Variants in ALCAM observed in about 807,000 individuals in gnomAD.
The protein encoded by ALCAM is CD166 antigen.
ALCAM carries 30 observed loss-of-function variants against 70.9 expected under a neutral mutation model. The ratio of observed to expected loss-of-function variants is 0.42; its 90% CI spans 0.32 to 0.57. The LOEUF (loss-of-function observed/expected upper bound fraction) is 0.57. ALCAM is among the 20% of genes least tolerant of loss of function. The probability of loss-of-function intolerance (pLI) is 0.11; values close to 1 mark genes in which losing one functional copy is unlikely to be tolerated. For missense variants in ALCAM, 591 were observed against 695.1 expected, an observed-to-expected ratio of 0.85 and a Z score of 1.68; for synonymous variants, 249 against 242.5, an observed-to-expected ratio of 1.03 and a Z score of -0.25.
intron 1 of ALCAM, among the ~76,000 whole-genome samples, chr3:105,417,805 T>G (rs953448462): frequency 6.6e-6 from 1 of 151,932 alleles, no homozygotes; most frequent in Non-Finnish European, 1.5e-5. Flanking sequence ...TCATGCCATT[T>G]TATTGTATCT....
Position 105,539,919 on chromosome 3 carries a change from A to G in ALCAM, c.731-56A>G. 1.9e-6 allele frequency: 3 copies of G among 1,588,992 alleles called. No individual in the cohort carries two copies. In the African/African-American group the frequency reaches 4.0e-5, roughly 21 times the overall value. On this transcript the variant is annotated intron_variant, in intron 6 of 15. Transcript: ENST00000306107. ...TAATTTAGTCATTTACATTGTATGC[A>G]CAGAGTAATTCGGTACTTGACAAAA...
chr3:105,474,393 A>T (rs1042774019), intron 1 of ALCAM, among the ~76,000 whole-genome samples: 2 of 151,752 alleles, frequency 1.3e-5, no homozygotes, highest in African/African-American at 2.4e-5. Context: ...TTGAGGTTTT[A>T]TATGAAAAAT....
intron 1 of ALCAM, among the ~76,000 whole-genome samples, chr3:105,497,082 TA>T (rs1938766273): frequency 6.6e-6 from 1 of 152,098 alleles, no homozygotes; most frequent in African/African-American, 2.4e-5. Flanking sequence ...ATGGTACCCT[TA>T]AGGAAAAGAA....
intron 2 of ALCAM, among the ~76,000 whole-genome samples, chr3:105,522,427 CA>C (rs1939567841): frequency 6.6e-6 from 1 of 152,160 alleles, no homozygotes; most frequent in East Asian, 1.9e-4. Context: ...AGAGCATTTG[CA>C]ATGCTCTAAT....
chr3:105,419,407 A>G (rs1188277763), intron 1 of ALCAM, among the ~76,000 whole-genome samples: 5 of 151,842 alleles, frequency 3.3e-5, no homozygotes, highest in Admixed American at 2.0e-4. Context: ...AAAACAAAGA[A>G]CAAAAGTCAG....
chr3:105,554,620 T>C (rs963476873), intron 14 of ALCAM, among the ~76,000 whole-genome samples: 1 of 151,962 alleles, frequency 6.6e-6, no homozygotes, highest in African/African-American at 2.4e-5. Flanking sequence ...TCAATGAACA[T>C]TTTACCTATA....
At chr3:105,533,335 T>C (rs73854323) in intron 4 of ALCAM, among the ~76,000 whole-genome samples, 13,230 of 152,176 alleles carry the variant, frequency 0.087, 826 homozygotes, top group African/African-American at 0.18. Context: ...TGGCAATGCT[T>C]TCAAATGAAT....
intron 1 of ALCAM, among the ~76,000 whole-genome samples, chr3:105,453,318 A>G (rs1937480495): frequency 1.3e-5 from 2 of 152,180 alleles, no homozygotes; most frequent in Admixed American, 6.5e-5. Context: ...AGCACCGTTT[A>G]TCCAATAGGA....
chr3:105,486,224 T>C (rs960949224), intron 1 of ALCAM, among the ~76,000 whole-genome samples: 1 of 152,066 alleles, frequency 6.6e-6, no homozygotes, highest in Non-Finnish European at 1.5e-5. Flanking sequence ...GAGACACCCG[T>C]CCAAATTATT....
chr3:105,377,738 A>T (rs1157917307), intron 1 of ALCAM, among the ~76,000 whole-genome samples: 1 of 152,048 alleles, frequency 6.6e-6, no homozygotes, highest in Non-Finnish European at 1.5e-5. Flanking sequence ...TTAGAACATA[A>T]ACTGTATAAT....
At chr3:105,377,050 G>A (rs1391032751) in intron 1 of ALCAM, among the ~76,000 whole-genome samples, 1 of 152,046 alleles carries the variant, frequency 6.6e-6, no homozygotes, top group African/African-American at 2.4e-5. Context: ...ATATTTGTAT[G>A]TATACCTCCC....
intron 1 of ALCAM, among the ~76,000 whole-genome samples, chr3:105,474,271 G>C (rs1030031773): frequency 1.3e-4 from 19 of 151,724 alleles, no homozygotes; most frequent in African/African-American, 4.3e-4. Flanking sequence ...GCACTGAATA[G>C]AACTGTTGAT....
chr3:105,381,791 G>T (rs1240032788), intron 1 of ALCAM, among the ~76,000 whole-genome samples: 2 of 151,578 alleles, frequency 1.3e-5, no homozygotes, highest in African/African-American at 4.8e-5. Flanking sequence ...GAAACCAAAA[G>T]AAGTAAACAT....
Position 105,502,416 on chromosome 3 carries a change from T to C in ALCAM, c.74-17651T>C, listed in dbSNP as rs113670779. ...AGACCTGGGTGGTTATCAGAGTCCA[T>C]GTTCTTCAGGGCTTGAGGCCATGCT... On this transcript the variant is annotated intron_variant, in intron 1 of 15. Coordinates refer to ENST00000306107, the MANE Select transcript of ALCAM (RefSeq NM_001627.4). Among the ~76,000 whole-genome samples the C allele has an allele frequency of 2.5e-3, 387 of 152,320 alleles. 1 individual carries two copies. Among genetic ancestry groups the C allele is most frequent in the African/African-American group, 9.0e-3 (375 of 41,576 alleles).
At chr3:105,417,780 A>G (rs1007178692) in intron 1 of ALCAM, among the ~76,000 whole-genome samples, 2 of 151,738 alleles carry the variant, frequency 1.3e-5, no homozygotes, top group African/African-American at 4.8e-5. Context: ...ATTAACATTG[A>G]ATAGTGTAAA....
intron 1 of ALCAM, among the ~76,000 whole-genome samples, chr3:105,497,302 G>T (rs1938773479): frequency 6.6e-6 from 1 of 152,186 alleles, no homozygotes; most frequent in Non-Finnish European, 1.5e-5. Flanking sequence ...AGCCATTTAT[G>T]ATGATAAGGA....
chr3:105,463,402 TTAGTC>T (rs541851940), intron 1 of ALCAM, among the ~76,000 whole-genome samples: 145 of 151,600 alleles, frequency 9.6e-4, no homozygotes, highest in Non-Finnish European at 1.9e-3. Context: ...CCAGTAAACT[TTAGTC>T]TATAGACTAA....
At chr3:105,565,054 G>A (rs1940712884) in intron 14 of ALCAM, among the ~76,000 whole-genome samples, 1 of 151,868 alleles carries the variant, frequency 6.6e-6, no homozygotes. Flanking sequence ...CAGAGGCTAA[G>A]GTGGGATGAT....
intron 1 of ALCAM, among the ~76,000 whole-genome samples, chr3:105,512,012 T>C (rs1939252739): frequency 6.6e-6 from 1 of 152,052 alleles, no homozygotes; most frequent in Non-Finnish European, 1.5e-5. Flanking sequence ...ATACAGTTCA[T>C]GTAAGCTATT....
Sources: allele counts gnomAD v4.1 joint callset (sites outside exome capture counted in the v4.1 genomes callset), GRCh38; gene constraint gnomAD v4.1.1; transcripts MANE v1.5; gene names NCBI Gene and HGNC (gene_info 2026-07-23, HGNC 2026-07-21).